The following CSGALNACT1 variants were observed in gnomAD, a reference collection of about 807,000 sequenced individuals.
CSGALNACT1 encodes chondroitin sulfate N-acetylgalactosaminyltransferase 1, also known as beta4GalNAcT-1.
A neutral mutation model predicts 51.0 loss-of-function variants in CSGALNACT1; 52 were observed. That is an observed-to-expected ratio of 1.02 (90% CI 0.82 to 1.29). The LOEUF is 1.29. Ranked by LOEUF, CSGALNACT1 falls within the 50% of genes most tolerant of loss-of-function variation. CSGALNACT1 has a pLI of 0.00. For missense variants in CSGALNACT1, 935 were observed against 679.2 expected, an observed-to-expected ratio of 1.38 and a Z score of -4.19; for synonymous variants, 341 against 254.4, an observed-to-expected ratio of 1.34 and a Z score of -3.24.
chr8:19,457,794 A>T (rs2064431980), intron 5 of CSGALNACT1: 8 of 1,351,602 alleles, frequency 5.9e-6, no homozygotes, highest in Non-Finnish European at 6.9e-6. Flanking sequence ...AAAGGCACAC[A>T]TCTAAAAACT....
Position 19,505,428 on chromosome 8 carries a change from C to T in CSGALNACT1, c.407G>A (p.Gly136Asp), listed in dbSNP as rs1195921053. 3.1e-6 allele frequency: 5 copies of T among 1,614,202 alleles called. No individual in the cohort carries two copies. The highest frequency in any genetic ancestry group is 1.7e-5 in the Admixed American group (1 of 60,034). Residue 136 changes from glycine (G) to aspartate (D), a missense_variant, in exon 4 of 10, where the codon GGC becomes GAC. Physicochemically the swap from Gly to Asp is moderately conservative, Grantham distance 94 (BLOSUM62 -1). Transcript: ENST00000454498. The stretch of plus-strand genomic sequence containing the variant: ...TGCATACTCTGTGGCCAGCTTGACG[C>T]CAGCATTCACCTCTGCCTTGTCCAC...
intron 1 of CSGALNACT1, among the ~76,000 whole-genome samples, chr8:19,656,358 A>C (rs2058271227): frequency 6.6e-6 from 1 of 152,160 alleles, no homozygotes; most frequent in Non-Finnish European, 1.5e-5. Context: ...CACCATTTTT[A>C]TATGGCCTGA....
chr8:19,663,353 C>T (rs1000715920), intron 1 of CSGALNACT1, among the ~76,000 whole-genome samples: 1 of 152,152 alleles, frequency 6.6e-6, no homozygotes. Context: ...TTTGGGTGCT[C>T]TTAAGTCCTC....
chr8:19,474,015 C>T (rs565747042), intron 4 of CSGALNACT1, among the ~76,000 whole-genome samples: 4 of 152,294 alleles, frequency 2.6e-5, no homozygotes, highest in African/African-American at 7.2e-5. Context: ...CTTTTGGAAA[C>T]CATTCATTTA....
chr8:19,737,472 A>G (rs2064053209), intron 1 of CSGALNACT1, among the ~76,000 whole-genome samples: 1 of 152,182 alleles, frequency 6.6e-6, no homozygotes, highest in Non-Finnish European at 1.5e-5. Context: ...AGAAACATAA[A>G]TATATTGATT....
intron 5 of CSGALNACT1, among the ~76,000 whole-genome samples, chr8:19,445,937 G>T (rs1563435881): frequency 1.3e-5 from 2 of 152,190 alleles, no homozygotes; most frequent in African/African-American, 4.8e-5. Flanking sequence ...CACTTTGAGA[G>T]GCCGAGGCAG....
At chr8:19,480,497 T>G (rs1218975456) in intron 4 of CSGALNACT1, among the ~76,000 whole-genome samples, 1 of 152,218 alleles carries the variant, frequency 6.6e-6, no homozygotes, top group Non-Finnish European at 1.5e-5. Flanking sequence ...CATACCACAT[T>G]TTCTTTATCC....
intron 1 of CSGALNACT1, among the ~76,000 whole-genome samples, chr8:19,754,039 C>A (rs181794723): frequency 9.5e-6 from 1 of 105,590 alleles, no homozygotes; most frequent in Admixed American, 9.4e-5. Flanking sequence ...AATGTGGCTC[C>A]ATTTTCTTTT....
intron 3 of CSGALNACT1, among the ~76,000 whole-genome samples, chr8:19,556,689 C>CT (rs375448091): frequency 2.5e-4 from 37 of 149,638 alleles, no homozygotes; most frequent in Non-Finnish European, 1.9e-4. Context: ...ATAGATTCTC[C>CT]TTTTTTTTTT....
chr8:19,720,928 G>T (rs1486233046), intron 1 of CSGALNACT1, among the ~76,000 whole-genome samples: 1 of 152,182 alleles, frequency 6.6e-6, no homozygotes, highest in Non-Finnish European at 1.5e-5. Context: ...CTGTGCAGAG[G>T]CCCTGAGACC....
chr8:19,438,829 T>A (rs367860031), intron 6 of CSGALNACT1, among the ~76,000 whole-genome samples: 1 of 152,222 alleles, frequency 6.6e-6, no homozygotes, highest in African/African-American at 2.4e-5. Flanking sequence ...AGCATTCAGA[T>A]CTTGGGCCCA....
At chr8:19,696,498 G>A (rs746275317) in intron 1 of CSGALNACT1, among the ~76,000 whole-genome samples, 11 of 152,144 alleles carry the variant, frequency 7.2e-5, no homozygotes, top group Non-Finnish European at 1.5e-4. Flanking sequence ...GGGAAGTGGG[G>A]GCAGGGAAGT....
chr8:19,478,446 A>C (rs1307378582), intron 4 of CSGALNACT1, among the ~76,000 whole-genome samples: 1 of 143,310 alleles, frequency 7.0e-6, no homozygotes, highest in Non-Finnish European at 1.5e-5. Context: ...AAAGGTACTG[A>C]TGTCTGGGTC....
intron 3 of CSGALNACT1, among the ~76,000 whole-genome samples, chr8:19,588,214 A>G (rs1317553079): frequency 6.6e-6 from 1 of 152,122 alleles, no homozygotes; most frequent in Non-Finnish European, 1.5e-5. Context: ...TCAGCAAAAA[A>G]AAGAAAAAAA....
chr8:19,521,631 C>T (rs756466844), intron 3 of CSGALNACT1, among the ~76,000 whole-genome samples: 8 of 150,590 alleles, frequency 5.3e-5, no homozygotes, highest in South Asian at 2.1e-4. Flanking sequence ...TGCAGTGAGC[C>T]GAGATCACAC....
intron 3 of CSGALNACT1, among the ~76,000 whole-genome samples, chr8:19,560,857 C>G (rs140140140): frequency 6.6e-6 from 1 of 152,176 alleles, no homozygotes; most frequent in African/African-American, 2.4e-5. Context: ...TAGGAATATT[C>G]ACAGCTGCAA....
intron 4 of CSGALNACT1, among the ~76,000 whole-genome samples, chr8:19,483,504 C>T (rs550038542): frequency 6.6e-6 from 1 of 152,374 alleles, no homozygotes; most frequent in Middle Eastern, 3.4e-3. Context: ...ACAGCCTATA[C>T]TGGCCATCCC....
chr8:19,611,681 G>A (rs2154153033), intron 1 of CSGALNACT1, among the ~76,000 whole-genome samples: 1 of 152,310 alleles, frequency 6.6e-6, no homozygotes, highest in East Asian at 1.9e-4. Flanking sequence ...ACAGGATCCT[G>A]TATGCTGACT....
chr8:19,409,981 G>A (rs1434244713), intron 8 of CSGALNACT1, among the ~76,000 whole-genome samples: 2 of 152,098 alleles, frequency 1.3e-5, no homozygotes, highest in South Asian at 2.1e-4. Flanking sequence ...TTCACCACAG[G>A]CTAATTATAT....
Sources: allele counts gnomAD v4.1 joint callset (sites outside exome capture counted in the v4.1 genomes callset), GRCh38; gene constraint gnomAD v4.1.1; transcripts MANE v1.5; gene names NCBI Gene and HGNC (gene_info 2026-07-23, HGNC 2026-07-21).